The following ERBB4 variants were observed in gnomAD, a reference collection of about 807,000 sequenced individuals.
The protein encoded by ERBB4 is receptor tyrosine-protein kinase erbB-4.
In ERBB4, 42 loss-of-function variants were observed where a neutral mutation model predicts 158.0. The observed-to-expected ratio is 0.27, with a 90% CI of 0.21 to 0.34. The LOEUF (loss-of-function observed/expected upper bound fraction) is 0.34, where lower values mean the gene tolerates loss of function less well. Among genes scored for constraint, ERBB4 ranks in the 10% least tolerant of loss-of-function variants. The pLI is 1.00. For synonymous variants in ERBB4, 583 were observed against 558.7 expected (o/e 1.04, Z -0.61); for missense variants, 1,333 against 1,624.1 (o/e 0.82, Z 3.08).
At chr2:212,071,877 T>C (rs1444295355) in intron 2 of ERBB4, among the ~76,000 whole-genome samples, 3 of 152,006 alleles carry the variant, frequency 2.0e-5, no homozygotes, top group African/African-American at 4.8e-5. Context: ...ATAAAGACAA[T>C]AGATGTCTAC....
intron 1 of ERBB4, among the ~76,000 whole-genome samples, chr2:212,155,244 T>C (rs2125636170): frequency 6.6e-6 from 1 of 152,180 alleles, no homozygotes; most frequent in Non-Finnish European, 1.5e-5. Flanking sequence ...CCACACAAAA[T>C]ATTCTATGCA....
chr2:212,403,649 T>C (rs2091269597), intron 1 of ERBB4, among the ~76,000 whole-genome samples: 1 of 151,974 alleles, frequency 6.6e-6, no homozygotes, highest in East Asian at 1.9e-4. Context: ...AAATACTGCG[T>C]GGGACAATTT....
chr2:212,439,303 T>C (rs1339282780), intron 1 of ERBB4, among the ~76,000 whole-genome samples: 1 of 152,186 alleles, frequency 6.6e-6, no homozygotes, highest in Admixed American at 6.5e-5. Context: ...AATTAAATAT[T>C]CTGCCTCACT....
At chr2:211,914,147 C>T (rs2079620371) in intron 3 of ERBB4, among the ~76,000 whole-genome samples, 1 of 151,210 alleles carries the variant, frequency 6.6e-6, no homozygotes, top group Admixed American at 6.6e-5. Context: ...AGCAGTACAC[C>T]TGGGAGTGAC....
chr2:211,628,524 A>G (rs2125867750), intron 17 of ERBB4, among the ~76,000 whole-genome samples: 1 of 152,298 alleles, frequency 6.6e-6, no homozygotes, highest in East Asian at 1.9e-4. Flanking sequence ...GCTGCATAGT[A>G]TTCCATGGTG....
intron 1 of ERBB4, among the ~76,000 whole-genome samples, chr2:212,504,272 G>T (rs1274307427): frequency 6.7e-6 from 1 of 149,840 alleles, no homozygotes; most frequent in Non-Finnish European, 1.5e-5. Context: ...CAAAACCATA[G>T]CTGCATTTTT....
chr2:211,515,028 G>A (rs988959151), intron 20 of ERBB4, among the ~76,000 whole-genome samples: 4 of 152,150 alleles, frequency 2.6e-5, no homozygotes, highest in Non-Finnish European at 2.9e-5. Context: ...ACTGGCTGGT[G>A]AGGAGCAGGA....
At chr2:211,808,333 C>T (rs1575175839) in intron 3 of ERBB4, among the ~76,000 whole-genome samples, 2 of 152,212 alleles carry the variant, frequency 1.3e-5, no homozygotes, top group Admixed American at 1.3e-4. Flanking sequence ...CCAGTTTCAG[C>T]TTTCTACATA....
intron 3 of ERBB4, among the ~76,000 whole-genome samples, chr2:211,917,324 A>T (rs1334303559): frequency 2.0e-5 from 3 of 152,008 alleles, no homozygotes; most frequent in African/African-American, 7.2e-5. Flanking sequence ...ATGGAAAAAA[A>T]AATGACGTAT....
At chr2:212,158,776 A>T (rs2081116786) in intron 1 of ERBB4, among the ~76,000 whole-genome samples, 1 of 151,974 alleles carries the variant, frequency 6.6e-6, no homozygotes, top group South Asian at 2.1e-4. Flanking sequence ...GAGATGAAGG[A>T]TGTGTGTTTT....
chr2:212,344,606 A>T (rs1184381622), intron 1 of ERBB4, among the ~76,000 whole-genome samples: 2 of 34,228 alleles, frequency 5.8e-5, no homozygotes, highest in Non-Finnish European at 1.3e-4. Context: ...ATTTCGTAAT[A>T]CAAAGAAAAA....
chr2:212,521,570 T>C (rs1692168584), intron 1 of ERBB4, among the ~76,000 whole-genome samples: 1 of 151,892 alleles, frequency 6.6e-6, no homozygotes, highest in South Asian at 2.1e-4. Context: ...ACTGCCCTAG[T>C]TCTCTCCTAC....
intron 3 of ERBB4, among the ~76,000 whole-genome samples, chr2:211,882,188 C>G (rs1222242981): frequency 6.6e-6 from 1 of 151,662 alleles, no homozygotes; most frequent in Non-Finnish European, 1.5e-5. Context: ...TACTTGTTTC[C>G]TAATCTTAAA....
intron 1 of ERBB4, among the ~76,000 whole-genome samples, chr2:212,415,401 AT>A (rs1412119830): frequency 3.3e-5 from 5 of 152,170 alleles, no homozygotes; most frequent in Admixed American, 6.6e-5. Context: ...GTAACTAAAA[AT>A]AATTTAAATA....
intron 1 of ERBB4, among the ~76,000 whole-genome samples, chr2:212,317,583 C>G (rs1640594307): frequency 6.6e-6 from 1 of 151,444 alleles, no homozygotes; most frequent in Non-Finnish European, 1.5e-5. Context: ...TACTATATAG[C>G]CAAAATATGT....
intron 1 of ERBB4, among the ~76,000 whole-genome samples, chr2:212,311,909 C>T (rs10932433): frequency 0.75 from 113,094 of 150,676 alleles, 44,190 homozygotes; most frequent in East Asian, 0.88. Flanking sequence ...CACATAAACT[C>T]AACTCCTGGT....
At chr2:211,789,676 G>C (rs1001244426) in intron 3 of ERBB4, among the ~76,000 whole-genome samples, 2 of 152,120 alleles carry the variant, frequency 1.3e-5, no homozygotes, top group African/African-American at 4.8e-5. Context: ...TGAGGAAGAA[G>C]AGGGACATGG....
chr2:211,399,110 A>C (rs2062981154), intron 25 of ERBB4, among the ~76,000 whole-genome samples: 1 of 152,194 alleles, frequency 6.6e-6, no homozygotes. Flanking sequence ...ATCTTATGAA[A>C]AATTGTCAGT....
intron 3 of ERBB4, among the ~76,000 whole-genome samples, chr2:211,937,025 G>C (rs1344919438): frequency 6.6e-6 from 1 of 152,130 alleles, no homozygotes; most frequent in Non-Finnish European, 1.5e-5. Flanking sequence ...AAAGTAATAA[G>C]AGGTATATTG....
Sources: gnomAD v4.1 joint callset for allele counts (sites outside exome capture counted in the v4.1 genomes callset) on GRCh38, gnomAD v4.1.1 for gene constraint, MANE v1.5 for transcripts, NCBI Gene and HGNC (gene_info 2026-07-23, HGNC 2026-07-21) for gene names.